The following DNA2 variants were observed in gnomAD, a reference collection of about 807,000 sequenced individuals.
DNA2 encodes the protein DNA replication helicase/nuclease 2.
In DNA2, 101 loss-of-function variants were observed where a neutral mutation model predicts 119.1. That is an observed-to-expected ratio of 0.85 (90% CI 0.72 to 1.00). The LOEUF is 1.00. Among genes scored for constraint, DNA2 ranks in the 50% least tolerant of loss-of-function variants. DNA2 has a pLI of 0.00. For synonymous variants in DNA2, 366 were observed against 424.4 expected (o/e 0.86, Z 1.69); for missense variants, 1,121 against 1,255.5 (o/e 0.89, Z 1.62).
intron 14 of DNA2, among the ~76,000 whole-genome samples, chr10:68,426,666 T>C (rs1334445468): frequency 6.7e-6 from 1 of 149,064 alleles, no homozygotes. Flanking sequence ...TGAAACCCCG[T>C]CTCTACTAAA....
chr10:68,447,344 C>T (rs2052053640), intron 6 of DNA2, among the ~76,000 whole-genome samples: 1 of 151,794 alleles, frequency 6.6e-6, no homozygotes, highest in Admixed American at 6.6e-5. Context: ...ATAGTGAAAC[C>T]CTGTCTCTAC....
intron 9 of DNA2, among the ~76,000 whole-genome samples, chr10:68,439,230 A>G (rs2133390681): frequency 6.6e-6 from 1 of 150,826 alleles, no homozygotes; most frequent in Non-Finnish European, 1.5e-5. Flanking sequence ...CCCCATCCCT[A>G]CTAAAAATAC....
intron 3 of DNA2, among the ~76,000 whole-genome samples, chr10:68,466,734 A>G (rs2133447161): frequency 6.6e-6 from 1 of 151,956 alleles, no homozygotes; most frequent in African/African-American, 2.4e-5. Context: ...GCCCGCCACC[A>G]CACCCGGCTA....
In DNA2 at chr10:68,442,914, T is replaced by G; in HGVS notation, c.1415+3A>C. On this transcript the variant is annotated splice_donor_region_variant and intron_variant, in intron 9 of 20. Transcript: ENST00000358410. ...ATCTTACTGTACTAAATGGACCACT[T>G]ACATTTCCGAAGCAGGCATTAGCCA... The G allele has an allele frequency of 1.2e-6, 2 of 1,607,180 alleles. No homozygotes were observed. Among genetic ancestry groups the G allele is most frequent in the Non-Finnish European group, 1.7e-6 (2 of 1,177,122 alleles).
At chr10:68,465,293 A>C (rs1272316860) in intron 4 of DNA2, among the ~76,000 whole-genome samples, 1 of 152,034 alleles carries the variant, frequency 6.6e-6, no homozygotes, top group African/African-American at 2.4e-5. Context: ...CTGGGATTAC[A>C]GGCGTGAGCC....
At position 68,432,437 on chromosome 10, in the gene DNA2, G is replaced by C; in HGVS notation, c.1720C>G (p.Pro574Ala). The change falls in exon 11 of 21, where the codon CCA becomes GCA. Residue 574 changes from proline to alanine, a missense_variant. Pro to Ala is a conservative substitution (Grantham distance 27). Coordinates refer to ENST00000358410, the MANE Select transcript of DNA2 (RefSeq NM_001080449.3). ...ATCAATTTGGAAAGATTTCCTAATGGGGTATCTATATCACAATTTTTTTCT... is the reference window on the plus strand; with the variant it reads ...ATCAATTTGGAAAGATTTCCTAATGCGGTATCTATATCACAATTTTTTTCT... ...QEEKNCDIDT[P>A]LGNLSKLMEN... is the part of the protein sequence containing the mutation. 6.3e-7 allele frequency: 1 copy of C among 1,598,220 alleles called. No homozygotes were observed. The highest frequency in any genetic ancestry group is 1.1e-5 in the South Asian group (1 of 88,616).
chr10:68,455,857 A>G (rs1234421621), intron 5 of DNA2, among the ~76,000 whole-genome samples: 1 of 151,122 alleles, frequency 6.6e-6, no homozygotes, highest in African/African-American at 2.4e-5. Flanking sequence ...ACAAACAAAA[A>G]ACTCAACTCT....
Position 68,419,135 on chromosome 10 carries a change from G to C in DNA2, c.2866C>G (p.Arg956Gly). Residue 956 changes from arginine (R) to glycine (G), a missense_variant, in exon 19 of 21, where the codon CGT becomes GGT. Physicochemically the swap from Arg to Gly is moderately radical, Grantham distance 125. Transcript: ENST00000358410. ...TTAACTTCGACCATCCCAATAGAAC[G>C]TGCCAATAAATCATTGATGATCTTT... The part of the protein sequence containing the change: ...QLKIINDLLA[R>G]SIGMVEVNTV... 6.2e-7 allele frequency: 1 copy of C among 1,613,116 alleles called. No individual in the cohort carries two copies. The highest frequency in any genetic ancestry group is 8.5e-7 in the Non-Finnish European group (1 of 1,179,530).
chr10:68,470,584 T>C lies in DNA2; in HGVS notation c.75-421A>G, dbSNP rs1172533855. The C allele has an allele frequency of 4.4e-6, 2 of 454,110 alleles. 1 individual carries two copies. The highest frequency in any genetic ancestry group is 3.1e-5 in the South Asian group (2 of 64,108). The allele number at this position is 454,110 out of a possible 1,614,324, so 28.1% of individuals were successfully genotyped here. A position where few individuals can be genotyped will look rare whatever the true frequency, so the allele number is the denominator to read the frequency against. On this transcript the variant is annotated intron_variant, in intron 1 of 20. Coordinates refer to ENST00000358410, the MANE Select transcript of DNA2 (RefSeq NM_001080449.3). ...AGATACGATCATGCTACTGCACCCC[T>C]TCCTGAGCGACAGAAAAAGACCCCG...
At chr10:68,461,538 A>G (rs940007998) in intron 4 of DNA2, 2 of 144,696 alleles carry the variant, frequency 1.4e-5, no homozygotes, top group African/African-American at 5.8e-5. Context: ...AGAAAGAAAG[A>G]AAAAAAATGG....
At chr10:68,471,736 C>G (rs1273726419) in intron 1 of DNA2, 55 bp downstream of exon 1, 1 of 1,507,326 alleles carries the variant, frequency 6.6e-7, no homozygotes, top group African/African-American at 1.4e-5. Flanking sequence ...GCCTCTCCCG[C>G]TCCTTCTTTC....
rs186144190 is a variant in DNA2, at chr10:68,441,045, A to C, written c.1415+1872T>G. ...TCACGTAAAATAAAATAAAACAAAA[A>C]AATTAGCCATGGCACAGTGGCTCGC... On this transcript the variant is annotated intron_variant, in intron 9 of 20. Coordinates refer to ENST00000358410, the MANE Select transcript of DNA2 (RefSeq NM_001080449.3). Among the ~76,000 whole-genome samples, 3 of 152,144 alleles carry C rather than the reference A, an allele frequency of 2.0e-5. No individual in the cohort carries two copies. In the East Asian group the frequency reaches 5.8e-4, roughly 29 times the overall value.
intron 8 of DNA2, among the ~76,000 whole-genome samples, chr10:68,443,719 C>T (rs761550785): frequency 6.6e-6 from 1 of 152,176 alleles, no homozygotes; most frequent in Non-Finnish European, 1.5e-5. Flanking sequence ...GAGGCCAAGG[C>T]GGGTGGATTG....
chr10:68,448,057 T>C (rs1422304811), intron 6 of DNA2, among the ~76,000 whole-genome samples: 2 of 151,888 alleles, frequency 1.3e-5, no homozygotes, highest in Non-Finnish European at 2.9e-5. Context: ...TAACCAAGAA[T>C]TCTATAGAGA....
intron 17 of DNA2, among the ~76,000 whole-genome samples, chr10:68,421,826 C>CG (rs1027045658): frequency 2.0e-5 from 2 of 99,784 alleles, no homozygotes; most frequent in African/African-American, 9.1e-5. Context: ...CTTTTTTTTT[C>CG]CCCCCAAGAT....
At chr10:68,434,260 G>A (rs1377414316) in intron 10 of DNA2, among the ~76,000 whole-genome samples, 2 of 149,514 alleles carry the variant, frequency 1.3e-5, no homozygotes, top group African/African-American at 5.0e-5. Context: ...GGGCAACAGT[G>A]AGACGGTCTC....
intron 10 of DNA2, among the ~76,000 whole-genome samples, chr10:68,436,294 A>T (rs957207542): frequency 3.3e-5 from 5 of 152,348 alleles, no homozygotes; most frequent in African/African-American, 1.2e-4. Flanking sequence ...TGCAAACATT[A>T]GGCTAAGTGA....
chr10:68,467,006 G>A (rs1433841083), intron 3 of DNA2, among the ~76,000 whole-genome samples: 1 of 152,200 alleles, frequency 6.6e-6, no homozygotes, highest in Non-Finnish European at 1.5e-5. Context: ...TCCAGCCTGG[G>A]TGACACAGTG....
At chr10:68,466,642 G>A (rs532317023) in intron 3 of DNA2, among the ~76,000 whole-genome samples, 86 of 150,498 alleles carry the variant, frequency 5.7e-4, no homozygotes, top group African/African-American at 2.0e-3. Flanking sequence ...GCAGCCGCGC[G>A]ACTTTTGCTC....
Sources: allele counts gnomAD v4.1 joint callset (sites outside exome capture counted in the v4.1 genomes callset), GRCh38; gene constraint gnomAD v4.1.1; transcripts MANE v1.5; gene names NCBI Gene and HGNC (gene_info 2026-07-23, HGNC 2026-07-21).